The following PRKAR1A variants were observed in gnomAD, a reference collection of about 807,000 sequenced individuals.
PRKAR1A encodes cAMP-dependent protein kinase type I-alpha regulatory subunit.
A neutral mutation model predicts 52.0 loss-of-function variants in PRKAR1A; 3 were observed. The observed-to-expected ratio is 0.06, with a 90% CI of 0.03 to 0.15. The LOEUF is 0.15. PRKAR1A is among the 10% of genes least tolerant of loss of function. The pLI is 1.00. For missense variants in PRKAR1A, 240 were observed against 477.4 expected, an observed-to-expected ratio of 0.50 and a Z score of 4.63; for synonymous variants, 188 against 168.4, an observed-to-expected ratio of 1.12 and a Z score of -0.90.
At chr17:68,534,368 A>G (rs1255149330), downstream of PRKAR1A, among the ~76,000 whole-genome samples, 1 of 152,068 alleles carries the variant, frequency 6.6e-6, no homozygotes, top group Non-Finnish European at 1.5e-5. Flanking sequence ...TGGATTCTGT[A>G]TTTGTAATTT....
chr17:68,544,234 T>TA lies in PRKAR1A; in HGVS notation c.974-6849dup, dbSNP rs1568726609. On this transcript the variant is annotated intron_variant, in intron 11 of 11. Transcript: ENST00000585981. ...GGGTCTTAGGGGGATGTGGGGGAAATACGTGGACCATCATCCCCTCAGAGA... is the reference window on the plus strand; with the variant it reads ...GGGTCTTAGGGGGATGTGGGGGAAATAACGTGGACCATCATCCCCTCAGAGA... Among the ~76,000 whole-genome samples the TA allele has an allele frequency of 7.9e-5, 11 of 138,830 alleles. No homozygotes were observed. The South Asian group carries it at 2.0e-3, about 26-fold the overall frequency. The allele number at this position is 138,830 out of a possible 152,430, so 91.1% of individuals were successfully genotyped here.
At chr17:68,551,187 A>C in exon 12 of PRKAR1A, 2 of 1,158,812 alleles carry the variant, frequency 1.7e-6, no homozygotes, top group East Asian at 6.4e-5. Flanking sequence ...GGGGGCCAGA[A>C]ACCCAAACTC....
chr17:68,490,836 A>G, the PRKAR1A span, among the ~76,000 whole-genome samples: 1 of 152,202 alleles, frequency 6.6e-6, no homozygotes, highest in Non-Finnish European at 1.5e-5. Context: ...TCGTCACATT[A>G]CCCGCTTGAG....
chr17:68,426,242 T>TGGGGGGG, the PRKAR1A span: 147 of 682,652 alleles, frequency 2.2e-4, 21 homozygotes, highest in Middle Eastern at 4.9e-4. Context: ...ACCTGGCGGG[T>TGGGGGGG]GGGGAGCGGG....
chr17:68,444,365 G>C, the PRKAR1A span: 1 of 803,528 alleles, frequency 1.2e-6, no homozygotes. Context: ...AAAGCTTCGA[G>C]ATAAACCTCA....
the PRKAR1A span, among the ~76,000 whole-genome samples, chr17:68,491,989 G>A: frequency 6.6e-6 from 1 of 152,218 alleles, no homozygotes; most frequent in Non-Finnish European, 1.5e-5. Flanking sequence ...AGCAGACAGG[G>A]GAAGGGTTGG....
At chr17:68,486,085 T>C in the PRKAR1A span, among the ~76,000 whole-genome samples, 1 of 152,204 alleles carries the variant, frequency 6.6e-6, no homozygotes, top group Admixed American at 6.5e-5. Flanking sequence ...GTTTAGTGAT[T>C]CAGTGAACTG....
chr17:68,549,274 C>T (rs987605656), intron 11 of PRKAR1A, among the ~76,000 whole-genome samples: 2 of 152,112 alleles, frequency 1.3e-5, no homozygotes, highest in African/African-American at 2.4e-5. Context: ...ACAGGGGAAT[C>T]GCCTGAGGTC....
the PRKAR1A span, among the ~76,000 whole-genome samples, chr17:68,443,292 T>G: frequency 6.6e-6 from 1 of 152,072 alleles, no homozygotes; most frequent in African/African-American, 2.4e-5. Flanking sequence ...TGTATTTTTT[T>G]GGTAGAGACA....
the PRKAR1A span, among the ~76,000 whole-genome samples, chr17:68,485,106 G>A: frequency 6.6e-6 from 1 of 152,196 alleles, no homozygotes; most frequent in South Asian, 2.1e-4. Flanking sequence ...CATACTGTGG[G>A]CTGCCTTTCT....
rs141040407 is a variant in PRKAR1A at position 68,544,585 on chromosome 17, T to G, written c.974-6499T>G. On this transcript the variant is annotated intron_variant, in intron 11 of 11. Transcript: ENST00000585981. ...ACGTGATGTTGCAGAAATCTATAAA[T>G]AAGAAGCACTGGCAATTTAAACCGT... Among the ~76,000 whole-genome samples the G allele has an allele frequency of 1.8e-3, 275 of 152,300 alleles. 2 individuals are homozygous for G. Among genetic ancestry groups the G allele is most frequent in the African/African-American group, 5.7e-3 (238 of 41,546 alleles).
the PRKAR1A span, chr17:68,429,972 C>T: frequency 1.2e-6 from 2 of 1,613,350 alleles, no homozygotes; most frequent in East Asian, 4.5e-5. Context: ...TGGTCTTGTT[C>T]AGAGTGGGTG....
chr17:68,449,082 T>G, the PRKAR1A span, among the ~76,000 whole-genome samples: 1 of 152,230 alleles, frequency 6.6e-6, no homozygotes, highest in Non-Finnish European at 1.5e-5. Context: ...TTGTCTCATT[T>G]GTTAAAAAAA....
At chr17:68,504,929 C>T in the PRKAR1A span, among the ~76,000 whole-genome samples, 4 of 151,938 alleles carry the variant, frequency 2.6e-5, no homozygotes, top group African/African-American at 7.3e-5. Context: ...TCCCATATAC[C>T]CCATAAATAC....
the PRKAR1A span, chr17:68,420,302 G>A: frequency 1.2e-6 from 2 of 1,614,146 alleles, no homozygotes; most frequent in East Asian, 2.2e-5. Flanking sequence ...AAGAGGTGGT[G>A]CGGAGTACCA....
intron 11 of PRKAR1A, chr17:68,539,541 C>T (rs2086198343): frequency 2.6e-6 from 2 of 757,076 alleles, no homozygotes; most frequent in South Asian, 1.5e-5. Context: ...AGCCCCTCTC[C>T]CCAGTCAGAT....
chr17:68,470,831 T>C, the PRKAR1A span, among the ~76,000 whole-genome samples: 1 of 152,196 alleles, frequency 6.6e-6, no homozygotes, highest in East Asian at 1.9e-4. Flanking sequence ...GACAAAGAAA[T>C]GGAGGCTCAG....
chr17:68,493,100 G>A, the PRKAR1A span, among the ~76,000 whole-genome samples: 1 of 151,860 alleles, frequency 6.6e-6, no homozygotes, highest in Non-Finnish European at 1.5e-5. Flanking sequence ...GACATGTGGT[G>A]GGGGGGAATA....
the PRKAR1A span, among the ~76,000 whole-genome samples, chr17:68,464,965 G>A: frequency 1.4e-5 from 2 of 146,408 alleles, no homozygotes; most frequent in Admixed American, 6.8e-5. Flanking sequence ...TTGCTCTGTT[G>A]CCCAGGCTGG....
Sources: allele counts gnomAD v4.1 joint callset (sites outside exome capture counted in the v4.1 genomes callset), GRCh38; gene constraint gnomAD v4.1.1; transcripts MANE v1.5; gene names NCBI Gene and HGNC (gene_info 2026-07-23, HGNC 2026-07-21).